SRFBP1: variants seen among roughly 807,000 people sequenced by gnomAD.
SRFBP1 encodes the protein serum response factor-binding protein 1.
A neutral mutation model predicts 45.5 loss-of-function variants in SRFBP1; 47 were observed. That is an observed-to-expected ratio of 1.03 (90% confidence interval 0.82 to 1.32). The LOEUF (loss-of-function observed/expected upper bound fraction) is 1.32, where lower values mean the gene tolerates loss of function less well. Among genes scored for constraint, SRFBP1 ranks in the 40% most tolerant of loss-of-function variants. SRFBP1 has a pLI of 0.00. For synonymous variants in SRFBP1, 203 were observed against 166.3 expected, an observed-to-expected ratio of 1.22 and a Z score of -1.70; for missense variants, 621 against 484.6, an observed-to-expected ratio of 1.28 and a Z score of -2.64.
chr5:122,017,753 A>G (rs1397683306), intron 4 of SRFBP1, among the ~76,000 whole-genome samples: 3 of 152,196 alleles, frequency 2.0e-5, no homozygotes, highest in Non-Finnish European at 4.4e-5. Context: ...TTATTTTGGT[A>G]TTCGTACATT....
At chr5:121,962,679 C>G (rs1193054295) in intron 1 of SRFBP1, among the ~76,000 whole-genome samples, 4 of 152,204 alleles carry the variant, frequency 2.6e-5, no homozygotes, top group African/African-American at 9.6e-5. Context: ...TTTGTTCTCA[C>G]CACCGTCACT....
chr5:122,026,967 C>G lies in SRFBP1; in HGVS notation c.1131C>G (p.Ile377Met). The change falls in exon 8 of 8, where the codon ATC becomes ATG. Residue 377 changes from isoleucine to methionine, a missense_variant. Physicochemically the swap from Ile to Met is conservative, Grantham distance 10 (BLOSUM62 1). Coordinates refer to ENST00000339397, the MANE Select transcript of SRFBP1 (RefSeq NM_152546.3). ...ATTTTCCACAGAATGAGCCTCAGAT[C>G]AAGAATCAGTTTAATAAGAAGCTAT... Reference protein sequence around the residue: ...SLDFPQNEPQIKNQFNKKLSG... With the variant: ...SLDFPQNEPQMKNQFNKKLSG... 1.2e-6 allele frequency: 2 copies of G among 1,611,512 alleles called. No homozygotes were observed. Among genetic ancestry groups the G allele is most frequent in the Non-Finnish European group, 1.7e-6 (2 of 1,179,230 alleles).
intron 7 of SRFBP1, among the ~76,000 whole-genome samples, chr5:122,026,331 A>C (rs914261026): frequency 6.6e-6 from 1 of 152,350 alleles, no homozygotes; most frequent in African/African-American, 2.4e-5. Context: ...TATGGACTAG[A>C]ATACAAGTTG....
intron 2 of SRFBP1, among the ~76,000 whole-genome samples, chr5:122,057,052 T>G (rs1192471412): frequency 6.6e-6 from 1 of 152,190 alleles, no homozygotes; most frequent in Non-Finnish European, 1.5e-5. Flanking sequence ...GGAAGAAGAA[T>G]GTTATGTAAA....
chr5:122,074,320 G>GT (rs145567866), intron 2 of SRFBP1: 1,889 of 611,600 alleles, frequency 3.1e-3, no homozygotes, highest in South Asian at 7.0e-3. Context: ...TCATGCTAGG[G>GT]TTTTTTTTTC....
At chr5:122,042,691 G>A (rs2112732001) in intron 2 of SRFBP1, among the ~76,000 whole-genome samples, 1 of 152,020 alleles carries the variant, frequency 6.6e-6, no homozygotes, top group East Asian at 1.9e-4. Context: ...TTTTCTTTGT[G>A]TGCTCTTTTA....
intron 2 of SRFBP1, among the ~76,000 whole-genome samples, chr5:122,036,893 GTTTT>G (rs537018868): frequency 3.6e-5 from 5 of 139,314 alleles, no homozygotes; most frequent in Middle Eastern, 3.6e-3. Flanking sequence ...ACTCCTGTGA[GTTTT>G]TTTTTTTTTT....
intron 3 of SRFBP1, among the ~76,000 whole-genome samples, chr5:121,976,015 A>G (rs988704772): frequency 9.2e-5 from 14 of 152,068 alleles, no homozygotes; most frequent in Non-Finnish European, 5.9e-5. Context: ...GAACTTAAAA[A>G]CAACATTTGG....
At chr5:121,981,175 A>G (rs1391250136) in intron 3 of SRFBP1, among the ~76,000 whole-genome samples, 1 of 151,912 alleles carries the variant, frequency 6.6e-6, no homozygotes, top group East Asian at 1.9e-4. Context: ...TAATCATGTT[A>G]TCTTATTCTG....
chr5:122,027,064 C>A lies in SRFBP1; in HGVS notation c.1228C>A (p.Arg410=). 3.7e-6 allele frequency: 6 copies of A among 1,610,916 alleles called. No homozygotes were observed. The highest frequency in any genetic ancestry group is 5.1e-6 in the Non-Finnish European group (6 of 1,178,906). Residue 410 remains arginine, a synonymous_variant, in exon 8 of 8, where the codon CGA becomes AGA. Transcript: ENST00000339397. The part of the protein sequence containing the change: ...LHPSWEASRR[R]KEQQSNIAVF... ...TCCTTCATGGGAAGCAAGCAGAAGG[C>A]GAAAAGAACAGCAATCTAATATTGC... is the stretch of plus-strand genomic sequence containing the variant.
At chr5:122,069,280 C>T (rs1484045250) in intron 2 of SRFBP1, among the ~76,000 whole-genome samples, 1 of 152,002 alleles carries the variant, frequency 6.6e-6, no homozygotes, top group Non-Finnish European at 1.5e-5. Context: ...GAGTATCATT[C>T]CAATGGAAAT....
chr5:122,035,005 A>T (rs1753665898), intron 2 of SRFBP1, among the ~76,000 whole-genome samples: 1 of 151,764 alleles, frequency 6.6e-6, no homozygotes, highest in South Asian at 2.1e-4. Context: ...GTCTGGGCAG[A>T]GGATAGCTTT....
downstream of SRFBP1, chr5:122,077,943 G>A: frequency 6.7e-7 from 1 of 1,492,428 alleles, no homozygotes; most frequent in Non-Finnish European, 8.8e-7. This position sits in a 1 kb window ranked among gnomAD's most constrained non-coding sequence, Gnocchi z 4.9. Flanking sequence ...AGCGCGCAGA[G>A]CTGCAAAGGC....
intron 2 of SRFBP1, among the ~76,000 whole-genome samples, chr5:122,060,054 C>T (rs10519692): frequency 0.12 from 17,778 of 152,042 alleles, 1,135 homozygotes; most frequent in South Asian, 0.14. Context: ...GGGCTTTCCT[C>T]CTAAAATGCC....
intron 2 of SRFBP1, chr5:122,065,135 T>C (rs561838644): frequency 1.3e-5 from 2 of 152,190 alleles, no homozygotes; most frequent in African/African-American, 2.4e-5. Context: ...CTGGTAAGCT[T>C]GTGCCCTGGT....
intron 2 of SRFBP1, among the ~76,000 whole-genome samples, chr5:122,058,183 A>G (rs983836033): frequency 2.0e-5 from 3 of 152,158 alleles, no homozygotes; most frequent in Non-Finnish European, 2.9e-5. Flanking sequence ...TTTATTGGCA[A>G]TGTTCAGTCT....
At chr5:121,994,774 T>C (rs1752686157) in intron 4 of SRFBP1, 104 bp downstream of exon 4, 1 of 709,526 alleles carries the variant, frequency 1.4e-6, no homozygotes, top group African/African-American at 1.9e-5. Context: ...GCTATTAGTT[T>C]GTAATTAGTT....
intron 3 of SRFBP1, among the ~76,000 whole-genome samples, chr5:121,985,846 T>C (rs1752507717): frequency 6.6e-6 from 1 of 151,774 alleles, no homozygotes; most frequent in Non-Finnish European, 1.5e-5. Context: ...ATAATAAATT[T>C]AAGTTATTGT....
chr5:122,001,518 G>T (rs1383037208), intron 4 of SRFBP1, among the ~76,000 whole-genome samples: 1 of 143,254 alleles, frequency 7.0e-6, no homozygotes. Flanking sequence ...GGGGCTGGCA[G>T]TTAAGAAGCC....
Sources: gnomAD v4.1 joint callset for allele counts (sites outside exome capture counted in the v4.1 genomes callset) on GRCh38, gnomAD v4.1.1 for gene constraint, Gnocchi (gnomAD v3.1) non-coding constraint, MANE v1.5 for transcripts, NCBI Gene and HGNC (gene_info 2026-07-23, HGNC 2026-07-21) for gene names.